Variants in SPMAP2L observed in about 807,000 individuals in gnomAD.
The protein encoded by SPMAP2L is sperm microtubule associated protein 2 like.
chr4:56,575,760 A>T, the SPMAP2L span: 2 of 950,754 alleles, frequency 2.1e-6, no homozygotes, highest in Non-Finnish European at 3.0e-6. Context: ...TGTGTTCCAA[A>T]GCATCAGGTA....
At chr4:56,584,349 T>C in the SPMAP2L span, 5 of 577,928 alleles carry the variant, frequency 8.7e-6, no homozygotes, top group Non-Finnish European at 1.5e-5. Flanking sequence ...AACACCAATC[T>C]GATAGAAAGA....
chr4:56,574,960 A>C, the SPMAP2L span, among the ~76,000 whole-genome samples: 1 of 151,862 alleles, frequency 6.6e-6, no homozygotes, highest in Non-Finnish European at 1.5e-5. Flanking sequence ...ATTGAAAAAA[A>C]AAGATGTCTG....
At chr4:56,534,485 T>C in the SPMAP2L span, among the ~76,000 whole-genome samples, 375 of 152,300 alleles carry the variant, frequency 2.5e-3, no homozygotes, top group Non-Finnish European at 4.2e-3. Flanking sequence ...ACTTTCCTTA[T>C]TCCCTGGGTG....
At chr4:56,608,493 A>G in the SPMAP2L span, among the ~76,000 whole-genome samples, 1 of 152,216 alleles carries the variant, frequency 6.6e-6, no homozygotes. Context: ...CTCCCATCAC[A>G]AGCCCAGAGT....
the SPMAP2L span, among the ~76,000 whole-genome samples, chr4:56,553,669 T>A: frequency 0.011 from 1,712 of 152,136 alleles, 19 homozygotes; most frequent in Non-Finnish European, 0.018. Context: ...GATGAGCCAA[T>A]ATTGATATAT....
At chr4:56,596,475 G>A in the SPMAP2L span, 2 of 1,494,096 alleles carry the variant, frequency 1.3e-6, no homozygotes, top group Middle Eastern at 1.7e-4. Flanking sequence ...ATGCTTATAA[G>A]TACTGTTTTA....
chr4:56,594,675 G>A, the SPMAP2L span: 3 of 1,307,244 alleles, frequency 2.3e-6, no homozygotes, highest in South Asian at 1.2e-5. Flanking sequence ...GTGGATAAAT[G>A]TGGGAATATC....
the SPMAP2L span, among the ~76,000 whole-genome samples, chr4:56,610,752 G>GA: frequency 1.2e-4 from 18 of 150,150 alleles, no homozygotes; most frequent in South Asian, 2.1e-4. Flanking sequence ...AAATCAGTAA[G>GA]AAAAAAAAAT....
At chr4:56,573,807 G>A in the SPMAP2L span, among the ~76,000 whole-genome samples, 1 of 152,104 alleles carries the variant, frequency 6.6e-6, no homozygotes, top group Non-Finnish European at 1.5e-5. Flanking sequence ...ATGTGTGGTG[G>A]TGTAGACAGG....
the SPMAP2L span, chr4:56,584,346 A>G: frequency 1.7e-6 from 1 of 575,386 alleles, no homozygotes. Context: ...AGAAACACCA[A>G]TCTGATAGAA....
At chr4:56,613,452 C>T in the SPMAP2L span, among the ~76,000 whole-genome samples, 2 of 152,134 alleles carry the variant, frequency 1.3e-5, no homozygotes, top group East Asian at 1.9e-4. Flanking sequence ...CAATGTTGCC[C>T]CCTGCAGATA....
At chr4:56,594,755 C>G in the SPMAP2L span, 1 of 1,495,158 alleles carries the variant, frequency 6.7e-7, no homozygotes, top group East Asian at 2.3e-5. Context: ...GATTACATAC[C>G]CATCCACCAA....
the SPMAP2L span, among the ~76,000 whole-genome samples, chr4:56,549,936 T>C: frequency 6.6e-6 from 1 of 152,198 alleles, no homozygotes; most frequent in African/African-American, 2.4e-5. Flanking sequence ...CCAAGCATTT[T>C]GGATAAAAGA....
At chr4:56,594,103 C>T in the SPMAP2L span, 30 of 1,606,788 alleles carry the variant, frequency 1.9e-5, no homozygotes, top group South Asian at 1.1e-4. Flanking sequence ...AAGATCTGGA[C>T]GATTTGTTGC....
At chr4:56,541,967 C>T in the SPMAP2L span, among the ~76,000 whole-genome samples, 3 of 152,204 alleles carry the variant, frequency 2.0e-5, no homozygotes, top group East Asian at 5.8e-4. Flanking sequence ...TTCTTTAATG[C>T]CCACTAAATA....
chr4:56,586,167 G>C, the SPMAP2L span, among the ~76,000 whole-genome samples: 1 of 152,114 alleles, frequency 6.6e-6, no homozygotes, highest in Admixed American at 6.6e-5. Context: ...CTTTACACTT[G>C]TCTTAGTCAG....
At chr4:56,549,811 T>C in the SPMAP2L span, among the ~76,000 whole-genome samples, 1 of 152,226 alleles carries the variant, frequency 6.6e-6, no homozygotes, top group East Asian at 1.9e-4. Context: ...AAGATGTATG[T>C]AAAACATAAA....
the SPMAP2L span, among the ~76,000 whole-genome samples, chr4:56,622,373 A>C: frequency 6.6e-6 from 1 of 152,234 alleles, no homozygotes; most frequent in Admixed American, 6.5e-5. Flanking sequence ...CCCATTGCCA[A>C]AATAAACTTT....
the SPMAP2L span, chr4:56,594,810 A>G: frequency 6.4e-7 from 1 of 1,553,754 alleles, no homozygotes; most frequent in South Asian, 1.1e-5. Context: ...GACCTCATCC[A>G]TCAACATGGA....
Sources: gnomAD v4.1 joint callset for allele counts (sites outside exome capture counted in the v4.1 genomes callset) on GRCh38, gnomAD v4.1.1 for gene constraint, MANE v1.5 for transcripts, NCBI Gene and HGNC (gene_info 2026-07-23, HGNC 2026-07-21) for gene names.